Variants in ATP2B1 observed in about 807,000 individuals in gnomAD.
The protein encoded by ATP2B1 is plasma membrane calcium-transporting ATPase 1.
Under a neutral mutation model 124.2 loss-of-function variants are expected in ATP2B1, and 14 were observed. That is an observed-to-expected ratio of 0.11 (90% CI 0.07 to 0.18). The LOEUF (loss-of-function observed/expected upper bound fraction) is 0.18, where lower values mean the gene tolerates loss of function less well. Ranked by LOEUF, ATP2B1 falls within the 10% of genes least tolerant of loss-of-function variation. The probability of loss-of-function intolerance (pLI) is 1.00; values close to 1 mark genes in which losing one functional copy is unlikely to be tolerated. For synonymous variants in ATP2B1, 449 were observed against 492.4 expected (o/e 0.91, Z 1.17); for missense variants, 763 against 1,466.1 (o/e 0.52, Z 7.83).
Position 89,604,364 on chromosome 12 carries a change from G to A in ATP2B1, c.2443-18C>T, listed in dbSNP as rs1040337969. ...GCAATACCCTGTTAAAAAAAATTTT[G>A]TGAATTAGACTAAATGTTTTAAGTA... is the stretch of plus-strand genomic sequence containing the variant. On this transcript the variant is annotated intron_variant, in intron 15 of 20. Coordinates refer to ENST00000428670, the MANE Select transcript of ATP2B1 (RefSeq NM_001366521.1). 6.4e-7 allele frequency: 1 copy of A among 1,568,314 alleles called. No individual in the cohort carries two copies.
intron 3 of ATP2B1, among the ~76,000 whole-genome samples, chr12:89,636,925 G>GT (rs1882803713): frequency 6.6e-6 from 1 of 152,180 alleles, no homozygotes; most frequent in Non-Finnish European, 1.5e-5. Context: ...TTTACATTCT[G>GT]TTTAACAGTC....
chr12:89,704,010 A>G (rs1337124183), intron 1 of ATP2B1, among the ~76,000 whole-genome samples: 1 of 152,186 alleles, frequency 6.6e-6, no homozygotes, highest in African/African-American at 2.4e-5. Flanking sequence ...GGAGAACCAC[A>G]CCTTTCTTGT....
intron 1 of ATP2B1, among the ~76,000 whole-genome samples, chr12:89,658,383 T>C (rs1468029375): frequency 6.6e-6 from 1 of 152,182 alleles, no homozygotes; most frequent in Non-Finnish European, 1.5e-5. Context: ...TCATGTATTC[T>C]GGTTTGAATT....
intron 7 of ATP2B1, among the ~76,000 whole-genome samples, chr12:89,626,996 CAT>C (rs762120034): frequency 2.0e-5 from 3 of 152,192 alleles, no homozygotes; most frequent in East Asian, 1.9e-4. Flanking sequence ...TAGAAATATG[CAT>C]ATATGACTCT....
At position 89,611,190 on chromosome 12, in the gene ATP2B1, T is replaced by C; in HGVS notation, c.2247+3A>G. On this transcript the variant is annotated splice_donor_region_variant and intron_variant, in intron 13 of 20. Coordinates refer to ENST00000428670, the MANE Select transcript of ATP2B1 (RefSeq NM_001366521.1). ...CAAAAACAAAATAATAATAAATCTT[T>C]ACCTCTCCTTTTTCATTTCGTATTC... The C allele has an allele frequency of 6.3e-7, 1 of 1,580,064 alleles. No individual in the cohort carries two copies. Among genetic ancestry groups the C allele is most frequent in the Non-Finnish European group, 8.5e-7 (1 of 1,169,882 alleles).
chr12:89,649,368 C>G (rs1884942079), intron 2 of ATP2B1, among the ~76,000 whole-genome samples: 1 of 152,244 alleles, frequency 6.6e-6, no homozygotes, highest in African/African-American at 2.4e-5. Context: ...TCAGTGTGCC[C>G]TAGATGCAGA....
At chr12:89,606,572 CTTT>C (rs11390166) in intron 15 of ATP2B1, among the ~76,000 whole-genome samples, 1 of 129,060 alleles carries the variant, frequency 7.7e-6, no homozygotes. Flanking sequence ...TAATGTCCCA[CTTT>C]TTTTTTTTTT....
intron 2 of ATP2B1, among the ~76,000 whole-genome samples, chr12:89,649,084 C>A (rs535262813): frequency 6.6e-6 from 1 of 152,376 alleles, no homozygotes; most frequent in South Asian, 2.1e-4. Flanking sequence ...GGGCAGAGCC[C>A]CCATAGTGAA....
chr12:89,632,118 GT>G (rs1454396400), intron 5 of ATP2B1, among the ~76,000 whole-genome samples: 7 of 150,736 alleles, frequency 4.6e-5, no homozygotes, highest in African/African-American at 1.7e-4. Context: ...CTTTTTGTTA[GT>G]TTTAAGCAGG....
intron 20 of ATP2B1, among the ~76,000 whole-genome samples, chr12:89,596,451 T>C (rs1251319727): frequency 6.6e-6 from 1 of 152,134 alleles, no homozygotes; most frequent in Non-Finnish European, 1.5e-5. Flanking sequence ...TTAAAAAAGC[T>C]ATAAAGGAAA....
At chr12:89,672,900 T>C (rs1490372138) in intron 1 of ATP2B1, among the ~76,000 whole-genome samples, 1 of 152,262 alleles carries the variant, frequency 6.6e-6, no homozygotes, top group South Asian at 2.1e-4. Context: ...AAGACCCACA[T>C]GCAATTCAGG....
rs149002219 is a variant in ATP2B1, at chr12:89,704,538, A to G, written c.-222+4058T>C. Reference sequence around the variant, plus strand: ...AATGAGCAAAATCTAGAAGCCACCTAAAGTCCAGTTTGGGCTAAAAAAGCT... The same window carrying G: ...AATGAGCAAAATCTAGAAGCCACCTGAAGTCCAGTTTGGGCTAAAAAAGCT... On this transcript the variant is annotated intron_variant, in intron 1 of 20. Coordinates refer to ENST00000428670, the MANE Select transcript of ATP2B1 (RefSeq NM_001366521.1). Among the ~76,000 whole-genome samples the G allele has an allele frequency of 2.8e-3, 431 of 152,274 alleles. 8 individuals carry two copies. The highest frequency in any genetic ancestry group is 0.026 in the South Asian group (126 of 4,822).
chr12:89,598,807 C>A, intron 20 of ATP2B1: 1 of 1,576,430 alleles, frequency 6.3e-7, no homozygotes, highest in South Asian at 1.1e-5. Context: ...AGAGAAAGGA[C>A]CATTCCATCT....
In ATP2B1 at chr12:89,642,141, T is replaced by G; in HGVS notation, c.406+17A>C. On this transcript the variant is annotated intron_variant, in intron 3 of 20. Transcript: ENST00000428670. The stretch of plus-strand genomic sequence containing the variant: ...GAACTAGCATCAGACATGTCTTTTT[T>G]CCCCCCATTTACTTACGTGCATTAT... 1 of 1,594,286 alleles carries G rather than the reference T, an allele frequency of 6.3e-7. No homozygotes were observed. Among genetic ancestry groups the G allele is most frequent in the East Asian group, 2.2e-5 (1 of 44,706 alleles).
intron 15 of ATP2B1, among the ~76,000 whole-genome samples, chr12:89,606,571 A>AC (rs200780755): frequency 0.02 from 1,943 of 95,310 alleles, 46 homozygotes; most frequent in African/African-American, 0.073. Flanking sequence ...TTAATGTCCC[A>AC]CTTTTTTTTT....
At chr12:89,606,809 C>CA (rs1156600827) in intron 15 of ATP2B1, among the ~76,000 whole-genome samples, 1 of 151,982 alleles carries the variant, frequency 6.6e-6, no homozygotes, top group Non-Finnish European at 1.5e-5. Context: ...TTCCTGACCT[C>CA]AAGAGATCCA....
intron 1 of ATP2B1, among the ~76,000 whole-genome samples, chr12:89,701,010 CT>C (rs1891778232): frequency 6.6e-6 from 1 of 152,164 alleles, no homozygotes. Flanking sequence ...AATTACTACT[CT>C]ATGTATCACT....
At chr12:89,604,558 A>G (rs1217467557) in intron 15 of ATP2B1, among the ~76,000 whole-genome samples, 1 of 152,192 alleles carries the variant, frequency 6.6e-6, no homozygotes. Context: ...TGAAGTATTA[A>G]AAATAAGGTT....
chr12:89,592,666 A>T (rs1377578256), intron 20 of ATP2B1, among the ~76,000 whole-genome samples: 10 of 152,080 alleles, frequency 6.6e-5, no homozygotes, highest in Non-Finnish European at 1.5e-5. Flanking sequence ...CTACCTGAGG[A>T]ACCTCGGTCA....
Sources: gnomAD v4.1 joint callset for allele counts (sites outside exome capture counted in the v4.1 genomes callset) on GRCh38, gnomAD v4.1.1 for gene constraint, MANE v1.5 for transcripts, NCBI Gene and HGNC (gene_info 2026-07-23, HGNC 2026-07-21) for gene names.